Variants in NCALD observed in about 807,000 individuals in gnomAD.
The protein encoded by NCALD is neurocalcin delta.
In NCALD, 10 loss-of-function variants were observed where a neutral mutation model predicts 18.6. That is an observed-to-expected ratio of 0.54 (90% CI 0.33 to 0.91). The LOEUF (loss-of-function observed/expected upper bound fraction) is 0.91, where lower values mean the gene tolerates loss of function less well. Among genes scored for constraint, NCALD ranks in the 40% least tolerant of loss-of-function variants. The pLI is 0.03. For missense variants in NCALD, 184 were observed against 247.6 expected (o/e 0.74, Z 1.72); for synonymous variants, 88 against 87.4 (o/e 1.01, Z -0.04).
intron 4 of NCALD, among the ~76,000 whole-genome samples, chr8:101,843,652 C>A (rs536317462): frequency 7.1e-6 from 1 of 141,726 alleles, no homozygotes; most frequent in East Asian, 2.1e-4. Context: ...TCTCAGCTCA[C>A]AGCAACTTCC....
At chr8:101,724,643 T>C (rs1270944478) in intron 1 of NCALD, among the ~76,000 whole-genome samples, 1 of 152,256 alleles carries the variant, frequency 6.6e-6, no homozygotes, top group African/African-American at 2.4e-5. Context: ...TGATGCCTTA[T>C]CCTAGATGAT....
At chr8:101,746,226 T>C (rs1810419712) in intron 1 of NCALD, among the ~76,000 whole-genome samples, 1 of 152,200 alleles carries the variant, frequency 6.6e-6, no homozygotes, top group Non-Finnish European at 1.5e-5. Flanking sequence ...TTCATAATGG[T>C]AAGGAATGAA....
intron 1 of NCALD, among the ~76,000 whole-genome samples, chr8:102,112,380 A>C (rs643260): frequency 0.25 from 38,217 of 152,018 alleles, 5,120 homozygotes; most frequent in East Asian, 0.43. Flanking sequence ...CCAGCTCCAG[A>C]AGGGATGTGC....
chr8:101,818,479 A>G (rs7835223), intron 4 of NCALD, among the ~76,000 whole-genome samples: 93,485 of 152,070 alleles, frequency 0.61, 31,742 homozygotes, highest in Non-Finnish European at 0.75. Flanking sequence ...AAGAGCTGAC[A>G]CTCAATTCCA....
intron 1 of NCALD, among the ~76,000 whole-genome samples, chr8:102,115,014 C>T (rs1289926028): frequency 6.6e-6 from 1 of 152,248 alleles, no homozygotes; most frequent in African/African-American, 2.4e-5. Flanking sequence ...TGTGCCATCA[C>T]ACAGGCCCCA....
At chr8:101,804,690 TACC>T (rs1177148941) in intron 4 of NCALD, among the ~76,000 whole-genome samples, 9 of 60,012 alleles carry the variant, frequency 1.5e-4, no homozygotes, top group Admixed American at 8.2e-4. Context: ...AATAAATTAA[TACC>T]TAATTATATA....
chr8:101,751,488 T>C (rs1258862378), intron 1 of NCALD, among the ~76,000 whole-genome samples: 2 of 152,178 alleles, frequency 1.3e-5, no homozygotes, highest in Middle Eastern at 3.4e-3. Context: ...TGCCTAAAAT[T>C]AGTTAAAATG....
intron 1 of NCALD, chr8:102,020,441 C>T (rs1822235423): frequency 6.6e-6 from 1 of 152,042 alleles, no homozygotes; most frequent in African/African-American, 2.4e-5. Flanking sequence ...TTTAATATGC[C>T]ACTATTTCTT....
At chr8:101,879,229 T>C (rs185510936) in intron 4 of NCALD, among the ~76,000 whole-genome samples, 4 of 152,298 alleles carry the variant, frequency 2.6e-5, no homozygotes, top group Admixed American at 2.6e-4. Flanking sequence ...AATAAGGCCG[T>C]GGACCCTCAT....
intron 3 of NCALD, among the ~76,000 whole-genome samples, chr8:101,899,896 A>G (rs1025411674): frequency 1.3e-5 from 2 of 151,808 alleles, no homozygotes; most frequent in Admixed American, 6.6e-5. Flanking sequence ...ATGAATTGGG[A>G]AATATTTCCT....
At chr8:102,042,241 CACA>C (rs1339044436) in intron 1 of NCALD, among the ~76,000 whole-genome samples, 2 of 151,882 alleles carry the variant, frequency 1.3e-5, no homozygotes, top group Non-Finnish European at 2.9e-5. Flanking sequence ...ACCTCTCAGC[CACA>C]ACAAGAATAT....
intron 1 of NCALD, among the ~76,000 whole-genome samples, chr8:102,050,219 G>C (rs1823396066): frequency 7.2e-6 from 1 of 138,634 alleles, no homozygotes; most frequent in Admixed American, 7.5e-5. Flanking sequence ...TAATCATTGA[G>C]TTCTAAAAAT....
At chr8:102,047,395 GC>G (rs1172413386) in intron 1 of NCALD, among the ~76,000 whole-genome samples, 4 of 152,192 alleles carry the variant, frequency 2.6e-5, no homozygotes, top group Non-Finnish European at 4.4e-5. Context: ...CTCTAGAGCA[GC>G]ACTGTCCATG....
chr8:101,932,566 A>G (rs1288140950), intron 2 of NCALD, among the ~76,000 whole-genome samples: 1 of 152,172 alleles, frequency 6.6e-6, no homozygotes, highest in Non-Finnish European at 1.5e-5. Context: ...CCCTTAGCCA[A>G]TTATTTCCCT....
At chr8:102,052,757 G>A (rs565179454) in intron 1 of NCALD, among the ~76,000 whole-genome samples, 58 of 152,274 alleles carry the variant, frequency 3.8e-4, no homozygotes, top group African/African-American at 1.2e-3. Flanking sequence ...TTCCGAGTCT[G>A]TTGAAATTAC....
At chr8:102,027,140 A>G (rs1822487309) in intron 1 of NCALD, among the ~76,000 whole-genome samples, 1 of 152,224 alleles carries the variant, frequency 6.6e-6, no homozygotes, top group Non-Finnish European at 1.5e-5. Flanking sequence ...GGTCTCTGAC[A>G]TGCCATGGAG....
Position 101,957,301 on chromosome 8 carries a change from T to TTG in NCALD, c.-156-41444_-156-41443insCA, listed in dbSNP as rs1386199190. Among the ~76,000 whole-genome samples, 14 of 148,306 alleles carry TTG rather than the reference T, an allele frequency of 9.4e-5. No homozygotes were observed. In the South Asian group the frequency reaches 2.8e-3, roughly 30 times the overall value. ...AAGAAAAGTTGGGGTTTTTTTTTTT[T>TTG]TTTTTTTTTTTTTAGCACAAAGCCT... On this transcript the variant is annotated intron_variant, in intron 2 of 6. Transcript: ENST00000311028.
At position 101,988,138 on chromosome 8, in the gene NCALD, C is replaced by G. The variant is rs191758621; in HGVS notation, c.-157+32099G>C. Among the ~76,000 whole-genome samples, 26 of 111,578 alleles carry G rather than the reference C, an allele frequency of 2.3e-4. No homozygotes were observed. The East Asian group carries it at 6.7e-3, about 29-fold the overall frequency. 73.2% of individuals were successfully genotyped at this position (111,578 alleles called of 152,430 possible). ...CCACTGCGGTCCGGCCTGGGCGAAA[C>G]AGCGAGACTCCGTCTCAAAAAAAAA... is the stretch of plus-strand genomic sequence containing the variant. On this transcript the variant is annotated intron_variant, in intron 2 of 6. Coordinates refer to the NCALD transcript ENST00000311028.
At chr8:102,086,128 A>G (rs1824729721) in intron 1 of NCALD, among the ~76,000 whole-genome samples, 1 of 152,226 alleles carries the variant, frequency 6.6e-6, no homozygotes, top group Non-Finnish European at 1.5e-5. Flanking sequence ...AATTTGAGAA[A>G]TTAAAAAAGC....
Sources: allele counts gnomAD v4.1 joint callset (sites outside exome capture counted in the v4.1 genomes callset), GRCh38; gene constraint gnomAD v4.1.1; transcripts MANE v1.5; gene names NCBI Gene and HGNC (gene_info 2026-07-23, HGNC 2026-07-21).